PPP2R5C: variants seen among roughly 807,000 people sequenced by gnomAD.
The protein encoded by PPP2R5C is protein phosphatase 2 regulatory subunit B'gamma, also known as serine/threonine-protein phosphatase 2A 56 kDa regulatory subunit gamma isoform.
A neutral mutation model predicts 68.9 loss-of-function variants in PPP2R5C; 7 were observed. That is an observed-to-expected ratio of 0.10 (90% confidence interval 0.06 to 0.19). The LOEUF (loss-of-function observed/expected upper bound fraction) is 0.19. PPP2R5C is among the 10% of genes least tolerant of loss of function. The pLI is 1.00. For missense variants in PPP2R5C, 348 were observed against 641.3 expected (o/e 0.54, Z 4.94); for synonymous variants, 210 against 222.2 (o/e 0.95, Z 0.49).
At chr14:101,792,439 G>A (rs1331523234) in intron 3 of PPP2R5C, among the ~76,000 whole-genome samples, 4 of 152,182 alleles carry the variant, frequency 2.6e-5, no homozygotes, top group Non-Finnish European at 5.9e-5. Flanking sequence ...AGTTTCACTA[G>A]CGAATTCAAC....
At chr14:101,775,691 G>A (rs2037381589) in intron 2 of PPP2R5C, among the ~76,000 whole-genome samples, 2 of 152,188 alleles carry the variant, frequency 1.3e-5, no homozygotes, top group African/African-American at 4.8e-5. Flanking sequence ...TGTGGGCCTG[G>A]CAGTGGGGCT....
exon 1 of PPP2R5C, chr14:101,761,915 G>A: frequency 8.4e-7 from 1 of 1,191,636 alleles, no homozygotes; most frequent in Non-Finnish European, 1.0e-6. Context: ...AAACAAGAAG[G>A]AGAAAGTGAG....
intron 3 of PPP2R5C, among the ~76,000 whole-genome samples, chr14:101,794,827 A>C (rs2038533627): frequency 6.6e-6 from 1 of 152,192 alleles, no homozygotes; most frequent in Non-Finnish European, 1.5e-5. Flanking sequence ...CCTTGCTTTC[A>C]TAACCTGCTT....
At chr14:101,817,297 A>T (rs1428078034) in intron 1 of PPP2R5C, among the ~76,000 whole-genome samples, 2 of 152,152 alleles carry the variant, frequency 1.3e-5, no homozygotes, top group Non-Finnish European at 2.9e-5. Context: ...TCGCTCTCTT[A>T]TCATTTCAAT....
intron 3 of PPP2R5C, among the ~76,000 whole-genome samples, chr14:101,791,281 T>A (rs1456820860): frequency 6.6e-6 from 1 of 152,174 alleles, no homozygotes; most frequent in African/African-American, 2.4e-5. Flanking sequence ...CATTGGCCTT[T>A]CCCCAATGAC....
intron 2 of PPP2R5C, among the ~76,000 whole-genome samples, chr14:101,866,069 A>G (rs1443214850): frequency 6.6e-6 from 1 of 152,098 alleles, no homozygotes; most frequent in African/African-American, 2.4e-5. Flanking sequence ...TAATTTTTGT[A>G]TTTTTAATAG....
At chr14:101,892,322 T>G (rs1392964781) in intron 6 of PPP2R5C, among the ~76,000 whole-genome samples, 3 of 144,536 alleles carry the variant, frequency 2.1e-5, no homozygotes, top group African/African-American at 7.7e-5. Context: ...TAGAATAACA[T>G]ACCTGAATTA....
chr14:101,787,433 C>T (rs1367459808), intron 3 of PPP2R5C, among the ~76,000 whole-genome samples: 4 of 151,408 alleles, frequency 2.6e-5, no homozygotes, highest in Admixed American at 6.6e-5. Flanking sequence ...GGTGGATTTA[C>T]GGGTGGATGA....
At position 101,924,445 on chromosome 14, in the gene PPP2R5C, C is replaced by CTTTTTTTTTTTTTTTTTTTTTTT. The variant is rs11325673; in HGVS notation, c.1444-684_1444-683insTTTTTTTTTTTTTTTTTTTTTTT. 1.5e-3 allele frequency among the ~76,000 whole-genome samples: 126 copies of CTTTTTTTTTTTTTTTTTTTTTTT among 84,464 alleles called. 12 individuals are homozygous for CTTTTTTTTTTTTTTTTTTTTTTT. Among genetic ancestry groups the CTTTTTTTTTTTTTTTTTTTTTTT allele is most frequent in the East Asian group, 9.7e-3 (38 of 3,924 alleles). The allele number at this position is 84,464 out of a possible 152,430, so 55.4% of individuals were successfully genotyped here. A position where few individuals can be genotyped will look rare whatever the true frequency, so the allele number is the denominator to read the frequency against. ...TTTACCTCCAAGGAAATTTCTACAT[C>CTTTTTTTTTTTTTTTTTTTTTTT]TTTTTTTTTTTTGAGATGGAGTCTG... On this transcript the variant is annotated intron_variant, in intron 13 of 13. Transcript: ENST00000334743.
At chr14:101,805,963 C>T (rs958029909), upstream of PPP2R5C, among the ~76,000 whole-genome samples, 2 of 151,996 alleles carry the variant, frequency 1.3e-5, no homozygotes, top group Admixed American at 6.6e-5. Context: ...GTGAAGAGTT[C>T]GGTGGATGGA....
At chr14:101,850,827 C>T (rs1426925291) in intron 1 of PPP2R5C, among the ~76,000 whole-genome samples, 1 of 152,120 alleles carries the variant, frequency 6.6e-6, no homozygotes, top group Admixed American at 6.5e-5. Context: ...AACTGCTGAG[C>T]TTTTGTTTAC....
At chr14:101,904,029 CTG>C (rs2045879599) in intron 9 of PPP2R5C, among the ~76,000 whole-genome samples, 1 of 152,110 alleles carries the variant, frequency 6.6e-6, no homozygotes, top group East Asian at 1.9e-4. Flanking sequence ...GTTTTAAAAA[CTG>C]GAAAAATTTA....
chr14:101,803,639 A>G (rs1490972039), intron 3 of PPP2R5C, among the ~76,000 whole-genome samples: 1 of 151,696 alleles, frequency 6.6e-6, no homozygotes, highest in Non-Finnish European at 1.5e-5. Context: ...CAGCAGAATC[A>G]CTTGAACCCG....
chr14:101,765,933 C>G (rs1206292582), intron 2 of PPP2R5C: 1 of 152,322 alleles, frequency 6.6e-6, no homozygotes, highest in East Asian at 1.9e-4. Context: ...AGCAGTTGCT[C>G]CCATTACCCA....
At chr14:101,814,061 TG>T (rs746400837) in intron 1 of PPP2R5C, among the ~76,000 whole-genome samples, 8 of 152,224 alleles carry the variant, frequency 5.3e-5, no homozygotes, top group Non-Finnish European at 7.3e-5. Context: ...ATAATGCACA[TG>T]GGTTGCTAAA....
chr14:101,881,743 A>T (rs751455723), intron 2 of PPP2R5C, among the ~76,000 whole-genome samples: 12 of 152,298 alleles, frequency 7.9e-5, no homozygotes, highest in Non-Finnish European at 1.8e-4. Flanking sequence ...AGCCCTTGCC[A>T]TTTCCAGCAT....
chr14:101,841,576 G>A (rs2041475396), intron 1 of PPP2R5C, among the ~76,000 whole-genome samples: 1 of 152,242 alleles, frequency 6.6e-6, no homozygotes, highest in Admixed American at 6.5e-5. Context: ...TCCCTGCTGA[G>A]CGGTCAGTCC....
intron 3 of PPP2R5C, among the ~76,000 whole-genome samples, chr14:101,793,099 A>C (rs2038438006): frequency 6.6e-6 from 1 of 151,976 alleles, no homozygotes; most frequent in Non-Finnish European, 1.5e-5. Context: ...GCTGGTCTCA[A>C]ACTCCTGACC....
At chr14:101,811,439 C>T (rs2039356293) in intron 1 of PPP2R5C, among the ~76,000 whole-genome samples, 1 of 152,156 alleles carries the variant, frequency 6.6e-6, no homozygotes, top group Admixed American at 6.5e-5. Flanking sequence ...CTCCCGAGCT[C>T]AGGTGATTCT....
Sources: gnomAD v4.1 joint callset for allele counts (sites outside exome capture counted in the v4.1 genomes callset) on GRCh38, gnomAD v4.1.1 for gene constraint, MANE v1.5 for transcripts, NCBI Gene and HGNC (gene_info 2026-07-23, HGNC 2026-07-21) for gene names.